Variants in SPOUT1 observed in about 807,000 individuals in gnomAD.
The protein encoded by SPOUT1 is SPOUT domain containing methyltransferase 1.
Under a neutral mutation model 54.8 loss-of-function variants are expected in SPOUT1, and 40 were observed. The observed-to-expected ratio is 0.73, with a 90% CI of 0.57 to 0.95. The LOEUF (loss-of-function observed/expected upper bound fraction) is 0.95. SPOUT1 is among the 40% of genes least tolerant of loss of function. The probability of loss-of-function intolerance (pLI) is 0.00; values close to 1 mark genes in which losing one functional copy is unlikely to be tolerated. For missense variants in SPOUT1, 437 were observed against 499.5 expected, an observed-to-expected ratio of 0.87 and a Z score of 1.19; for synonymous variants, 193 against 200.3, an observed-to-expected ratio of 0.96 and a Z score of 0.31.
Position 128,826,021 on chromosome 9 carries a change from C to T in SPOUT1, c.639+1G>A, listed in dbSNP as rs1186159747. The stretch of plus-strand genomic sequence containing the variant: ...GTCCTAGCCCATCTTTCTGTTCCTA[C>T]CTTTTTCATGCCACAGTTGACAAAG... On this transcript the variant is annotated splice_donor_variant, in intron 7 of 11. Transcript: ENST00000361256. LOFTEE classifies it high-confidence loss of function. The surrounding 1 kb of genome is among the most constrained non-coding windows in gnomAD (Gnocchi z 5.5). 1 of 1,614,162 alleles carries T rather than the reference C, an allele frequency of 6.2e-7. No homozygotes were observed. The highest frequency in any genetic ancestry group is 1.1e-5 in the South Asian group (1 of 91,084).
Position 128,829,748 on chromosome 9 carries a change from G to C in SPOUT1, c.33C>G (p.Gly11=). 1 of 1,601,058 alleles carries C rather than the reference G, an allele frequency of 6.2e-7. No homozygotes were observed. The highest frequency in any genetic ancestry group is 8.5e-7 in the Non-Finnish European group (1 of 1,174,650). Residue 11 remains glycine, a synonymous_variant, in exon 1 of 12, where the codon GGC becomes GGG. Transcript: ENST00000361256. ...GGGTCCCGCCGCCCGCACTTACCGG[G>C]CCGCACGGCCGCTTCCTGCCGCGCT... MAERGRKRPC[G]PGEHGQRIEW... is the part of the protein sequence containing the mutation.
intron 10 of SPOUT1, 44 bp downstream of exon 10, chr9:128,824,028 G>T: frequency 1.3e-6 from 2 of 1,589,096 alleles, no homozygotes; most frequent in Non-Finnish European, 1.7e-6. Flanking sequence ...CAGGTTCCTG[G>T]CCACATTCCT....
At position 128,826,460 on chromosome 9, in the gene SPOUT1, G is replaced by A. The variant is rs1223495993; in HGVS notation, c.459-27C>T. 1.2e-6 allele frequency: 2 copies of A among 1,613,504 alleles called. No homozygotes were observed. Among genetic ancestry groups the A allele is most frequent in the Admixed American group, 1.7e-5 (1 of 60,006 alleles). On this transcript the variant is annotated intron_variant, in intron 5 of 11. Transcript: ENST00000361256. The surrounding 1 kb of genome is among the most constrained non-coding windows in gnomAD (Gnocchi z 5.5). ...TAGGAAAGAATGCTGACCTCAGGAT[G>A]TTCCCAGGGGAAGCCGCCTCCTACC...
Position 128,826,731 on chromosome 9 carries a change from G to C in SPOUT1, c.369-102C>G. On this transcript the variant is annotated intron_variant, in intron 4 of 11. Transcript: ENST00000361256. This position sits in a 1 kb window ranked among gnomAD's most constrained non-coding sequence, Gnocchi z 5.5. ...AATCCCAGCTACTCAGGAGGCTAAG[G>C]TGGGAGGATCATCTGAGTGCAGCAA... 1 of 855,540 alleles carries C rather than the reference G, an allele frequency of 1.2e-6. No homozygotes were observed. The highest frequency in any genetic ancestry group is 1.8e-6 in the Non-Finnish European group (1 of 553,856). 53.0% of individuals were successfully genotyped at this position (855,540 alleles called of 1,614,324 possible).
rs1830098500 is a variant in SPOUT1, at chr9:128,820,863, A to G, written c.*1902T>C. On this transcript the variant is annotated 3_prime_UTR_variant, in exon 12 of 12. Transcript: ENST00000361256. ...TTCCTGCCCAGGTAAGGTGGAAACC[A>G]GGGGGGCGGCAGAACCTCCCACTCA... The G allele has an allele frequency of 3.1e-6, 5 of 1,593,554 alleles. No individual in the cohort carries two copies. The highest frequency in any genetic ancestry group is 1.3e-5 in the African/African-American group (1 of 74,586).
In SPOUT1 at chr9:128,829,600, G is replaced by A. The variant is rs1830312283; in HGVS notation, c.36+145C>T. ...CTGTTCCCATCCTGCTGAGGCTCAC[G>A]CGGCACCTTCGGGGGCTTCCGGCCT... On this transcript the variant is annotated intron_variant, in intron 1 of 11. Transcript: ENST00000361256. The A allele has an allele frequency of 6.2e-5, 40 of 648,808 alleles. No individual in the cohort carries two copies. The South Asian group carries it at 7.4e-4, about 12-fold the overall frequency. 40.2% of individuals were successfully genotyped at this position (648,808 alleles called of 1,614,324 possible).
At chr9:128,829,672 G>A (rs1201411462) in intron 1 of SPOUT1, 73 bp downstream of exon 1, 2 of 1,217,604 alleles carry the variant, frequency 1.6e-6, no homozygotes, top group Non-Finnish European at 2.3e-6. Flanking sequence ...CGGCCCCGGC[G>A]AAGGCCCCCA....
Position 128,820,878 on chromosome 9 carries a change from C to A in SPOUT1, c.*1887G>T. ...GGTGGAAACCAGGGGGGCGGCAGAA[C>A]CTCCCACTCACCTGAGGCCCCTACT... On this transcript the variant is annotated 3_prime_UTR_variant, in exon 12 of 12. Transcript: ENST00000361256. The A allele has an allele frequency of 1.3e-6, 2 of 1,573,888 alleles. No homozygotes were observed. The highest frequency in any genetic ancestry group is 2.7e-5 in the African/African-American group (2 of 74,238).
chr9:128,823,529 C>G (rs2280842), intron 11 of SPOUT1, among the ~76,000 whole-genome samples: 87,741 of 151,994 alleles, frequency 0.58, 28,644 homozygotes, highest in Non-Finnish European at 0.71. Context: ...CCCTGGGTCA[C>G]CCAGTCTGGG....
intron 3 of SPOUT1, among the ~76,000 whole-genome samples, chr9:128,827,606 G>GC (rs1830265764): frequency 6.6e-6 from 1 of 152,230 alleles, no homozygotes; most frequent in African/African-American, 2.4e-5. Context: ...GGGGCCTTCA[G>GC]CCCCGGGAAG....
At position 128,822,331 on chromosome 9, in the gene SPOUT1, A is replaced by G. The variant is rs760339620; in HGVS notation, c.*434T>C. On this transcript the variant is annotated 3_prime_UTR_variant, in exon 12 of 12. Coordinates refer to ENST00000361256, the MANE Select transcript of SPOUT1 (RefSeq NM_016390.4). Reference sequence around the variant, plus strand: ...GTGTGCCTGGGTCTGCCCACAGGACAGAGGCTGATGGGAAATCCTACGTAA... The same window carrying G: ...GTGTGCCTGGGTCTGCCCACAGGACGGAGGCTGATGGGAAATCCTACGTAA... 3.1e-6 allele frequency: 5 copies of G among 1,613,336 alleles called. No individual in the cohort carries two copies. In the South Asian group the frequency reaches 5.5e-5, roughly 18 times the overall value.
At chr9:128,829,710 G>T in intron 1 of SPOUT1, 35 bp downstream of exon 1, 1 of 1,522,830 alleles carries the variant, frequency 6.6e-7, no homozygotes, top group Non-Finnish European at 9.0e-7. Flanking sequence ...CCTCCACCAT[G>T]CTGCCCTGCA....
At chr9:128,825,603 G>T (rs1830226075) in intron 7 of SPOUT1, among the ~76,000 whole-genome samples, 1 of 152,140 alleles carries the variant, frequency 6.6e-6, no homozygotes, top group South Asian at 2.1e-4. Context: ...AAGTGCTGGG[G>T]TTACAGGCGT....
intron 3 of SPOUT1, among the ~76,000 whole-genome samples, chr9:128,828,299 C>T (rs539761127): frequency 3.3e-5 from 5 of 152,226 alleles, no homozygotes; most frequent in East Asian, 1.9e-4. Context: ...AGTTCGAGAC[C>T]GGCCTCCCCA....
In SPOUT1 at chr9:128,823,890, C is replaced by A; in HGVS notation, c.919G>T (p.Ala307Ser). The A allele has an allele frequency of 6.2e-7, 1 of 1,612,972 alleles. No homozygotes were observed. Among genetic ancestry groups the A allele is most frequent in the Non-Finnish European group, 8.5e-7 (1 of 1,179,732 alleles). Residue 307 changes from alanine to serine, a missense_variant, in exon 11 of 12, where the codon GCT (alanine) becomes TCT (serine). Coordinates refer to ENST00000361256, the MANE Select transcript of SPOUT1 (RefSeq NM_016390.4). ...ASAQLPNFRH[A>S]LVVFGGLQGL... is the part of the protein sequence containing the mutation. ...TGGAGGCCCCCGAACACCACAAGAG[C>A]ATGCCTGGCCCATGTAAGAGGGGGT... is the stretch of plus-strand genomic sequence containing the variant.
chr9:128,825,892 T>G, intron 7 of SPOUT1, 130 bp downstream of exon 7: 1 of 1,212,832 alleles, frequency 8.2e-7, no homozygotes, highest in Non-Finnish European at 1.2e-6. Flanking sequence ...TTTGCACAAT[T>G]CTCTGGCCCA....
rs1393874553 is a variant in SPOUT1, at chr9:128,822,731, C to A, written c.*34G>T. 1 of 1,558,360 alleles carries A rather than the reference C, an allele frequency of 6.4e-7. No homozygotes were observed. The highest frequency in any genetic ancestry group is 8.7e-7 in the Non-Finnish European group (1 of 1,150,216). ...ACCTGCAGAGCCCCTGGTTTCACTG[C>A]TGCTTCACTGATGTCCTCGGCCCCT... On this transcript the variant is annotated 3_prime_UTR_variant, in exon 12 of 12. Transcript: ENST00000361256.
intron 9 of SPOUT1, 108 bp from the exon 10 acceptor site, chr9:128,824,282 G>A (rs1259709863): frequency 1.6e-5 from 9 of 559,528 alleles, no homozygotes; most frequent in Non-Finnish European, 3.0e-5. Context: ...GCTGTGTGGT[G>A]TGTGTGTGTG....
chr9:128,826,317 A>T lies in SPOUT1; in HGVS notation c.508+67T>A. The stretch of plus-strand genomic sequence containing the variant: ...TCCCACCTGGACAGCGCAGGGTAGG[A>T]CTGGGTGGTCTCAGTGTCTGTGGCA... On this transcript the variant is annotated intron_variant, in intron 6 of 11. Transcript: ENST00000361256. The surrounding 1 kb of genome is among the most constrained non-coding windows in gnomAD (Gnocchi z 5.5). 1.3e-6 allele frequency: 2 copies of T among 1,584,632 alleles called. No homozygotes were observed. The highest frequency in any genetic ancestry group is 1.7e-6 in the Non-Finnish European group (2 of 1,153,394).
Sources: allele counts gnomAD v4.1 joint callset (sites outside exome capture counted in the v4.1 genomes callset), GRCh38; gene constraint gnomAD v4.1.1; non-coding constraint Gnocchi (gnomAD v3.1); transcripts MANE v1.5; gene names NCBI Gene and HGNC (gene_info 2026-07-23, HGNC 2026-07-21).